The following WWOX variants were observed in gnomAD, a reference collection of about 807,000 sequenced individuals.
WWOX encodes WW domain-containing oxidoreductase.
A neutral mutation model predicts 46.2 loss-of-function variants in WWOX; 69 were observed. The ratio of observed to expected loss-of-function variants is 1.49; its 90% CI spans 1.23 to 1.82. The LOEUF (loss-of-function observed/expected upper bound fraction) is 1.82, where lower values mean the gene tolerates loss of function less well. Ranked by LOEUF, WWOX falls within the 40% of genes most tolerant of loss-of-function variation. The probability of loss-of-function intolerance (pLI) is 0.00; values close to 1 mark genes in which losing one functional copy is unlikely to be tolerated. For synonymous variants in WWOX, 359 were observed against 202.6 expected, an observed-to-expected ratio of 1.77 and a Z score of -6.56; for missense variants, 919 against 542.6, an observed-to-expected ratio of 1.69 and a Z score of -6.89.
chr16:78,523,879 G>GA (rs1383277425), intron 8 of WWOX, among the ~76,000 whole-genome samples: 2 of 152,204 alleles, frequency 1.3e-5, no homozygotes, highest in Non-Finnish European at 2.9e-5. Context: ...GTTTTAGGAT[G>GA]AAGAAATTAC....
chr16:78,707,254 T>C (rs1425171125), intron 8 of WWOX, among the ~76,000 whole-genome samples: 3 of 152,174 alleles, frequency 2.0e-5, no homozygotes, highest in Admixed American at 6.5e-5. Flanking sequence ...TCCTCAGATA[T>C]ATTAAAAAGC....
In WWOX at chr16:78,955,781, G is replaced by A. The variant is rs1216011567; in HGVS notation, c.1057-255827G>A. ...TCCTGCCTCAGCCTCCCGAGTAGCT[G>A]GGACTACGGTTGTACATCACCACCT... On this transcript the variant is annotated intron_variant, in intron 8 of 8. Coordinates refer to ENST00000566780, the MANE Select transcript of WWOX (RefSeq NM_016373.4). 2.0e-5 allele frequency among the ~76,000 whole-genome samples: 3 copies of A among 151,692 alleles called. No individual in the cohort carries two copies. The South Asian group carries it at 6.3e-4, about 32-fold the overall frequency.
chr16:78,814,281 C>A (rs1206158824), intron 8 of WWOX, among the ~76,000 whole-genome samples: 2 of 152,140 alleles, frequency 1.3e-5, no homozygotes, highest in Non-Finnish European at 2.9e-5. Context: ...TTCCCCTTCC[C>A]CTCTTGTTCC....
intron 8 of WWOX, among the ~76,000 whole-genome samples, chr16:78,550,504 TTGTC>T (rs796436724): frequency 8.5e-5 from 13 of 152,366 alleles, no homozygotes; most frequent in African/African-American, 2.9e-4. Flanking sequence ...GAGCACTTGT[TTGTC>T]TGGGAGACAT....
intron 8 of WWOX, among the ~76,000 whole-genome samples, chr16:78,576,817 C>G (rs936597465): frequency 6.6e-6 from 1 of 152,204 alleles, no homozygotes; most frequent in East Asian, 1.9e-4. Context: ...GGCAACACAA[C>G]AAGACCCTGT....
chr16:78,928,063 C>G (rs902248864), intron 8 of WWOX, among the ~76,000 whole-genome samples: 19 of 152,062 alleles, frequency 1.2e-4, no homozygotes, highest in Middle Eastern at 3.2e-3. Context: ...ACTCTCAGAT[C>G]CTGGATACTG....
chr16:78,773,171 C>T lies in WWOX; in HGVS notation c.1056+340419C>T, dbSNP rs1170931121. 2.6e-5 allele frequency among the ~76,000 whole-genome samples: 4 copies of T among 152,108 alleles called. No individual in the cohort carries two copies. In the East Asian group the frequency reaches 7.7e-4, roughly 29 times the overall value. On this transcript the variant is annotated intron_variant, in intron 8 of 8. Coordinates refer to ENST00000566780, the MANE Select transcript of WWOX (RefSeq NM_016373.4). Reference sequence around the variant, plus strand: ...TGACGATTTTGTCGGTATCCTAAGCCGCTAGAACAGTGCCTAAACATTTGT... The same window carrying T: ...TGACGATTTTGTCGGTATCCTAAGCTGCTAGAACAGTGCCTAAACATTTGT...
intron 8 of WWOX, chr16:78,526,471 A>G (rs1218207435): frequency 6.6e-6 from 1 of 152,252 alleles, no homozygotes; most frequent in Non-Finnish European, 1.5e-5. Context: ...GTAATAGAGA[A>G]GATCCATTGC....
chr16:78,711,990 G>T (rs2048454067), intron 8 of WWOX, among the ~76,000 whole-genome samples: 1 of 152,154 alleles, frequency 6.6e-6, no homozygotes, highest in African/African-American at 2.4e-5. Flanking sequence ...CATAATCTGT[G>T]CTAGTTCGGC....
intron 5 of WWOX, among the ~76,000 whole-genome samples, chr16:78,224,940 G>A (rs2037002146): frequency 2.0e-5 from 3 of 152,012 alleles, no homozygotes; most frequent in African/African-American, 7.3e-5. Flanking sequence ...TTCTATCTTG[G>A]TGTCTTTACG....
chr16:78,194,996 A>C (rs928954430), intron 5 of WWOX, among the ~76,000 whole-genome samples: 23 of 152,196 alleles, frequency 1.5e-4, no homozygotes, highest in African/African-American at 5.1e-4. Context: ...GAGAAAATGA[A>C]GGCACACGTG....
chr16:78,959,295 A>C (rs1043129303), intron 8 of WWOX, among the ~76,000 whole-genome samples: 1 of 152,232 alleles, frequency 6.6e-6, no homozygotes, highest in Non-Finnish European at 1.5e-5. Context: ...TTCAAAAGGC[A>C]TGTATTTTTT....
intron 8 of WWOX, among the ~76,000 whole-genome samples, chr16:78,553,544 T>C (rs1047098255): frequency 1.3e-5 from 2 of 152,222 alleles, no homozygotes; most frequent in African/African-American, 4.8e-5. Context: ...GTGAGCTGTC[T>C]ACTATCTCTA....
intron 5 of WWOX, among the ~76,000 whole-genome samples, chr16:78,210,303 G>T (rs1030577148): frequency 1.3e-5 from 2 of 152,166 alleles, no homozygotes; most frequent in Non-Finnish European, 2.9e-5. Flanking sequence ...TAACAGGGAA[G>T]CATCGGCTTC....
At chr16:78,609,929 G>A (rs1033581433) in intron 8 of WWOX, among the ~76,000 whole-genome samples, 12 of 152,132 alleles carry the variant, frequency 7.9e-5, no homozygotes, top group African/African-American at 2.9e-4. Flanking sequence ...TGCGTGTGTA[G>A]GGGGTAGCAT....
chr16:78,988,322 C>A (rs1320698788), intron 8 of WWOX, among the ~76,000 whole-genome samples: 1 of 143,442 alleles, frequency 7.0e-6, no homozygotes, highest in Non-Finnish European at 1.5e-5. Context: ...CCAGCCCAGG[C>A]AACAAGAGCA....
At chr16:78,342,451 T>C (rs77264347) in intron 5 of WWOX, among the ~76,000 whole-genome samples, 13,418 of 120,030 alleles carry the variant, frequency 0.11, 4,153 homozygotes, top group African/African-American at 0.33. Flanking sequence ...AAGCAGCATT[T>C]TTTATGGGCA....
chr16:78,968,095 A>ATGGCACAGCGCATGGTCCGCG (rs1567446004), intron 8 of WWOX, among the ~76,000 whole-genome samples: 2,689 of 130,594 alleles, frequency 0.021, 110 homozygotes, highest in African/African-American at 0.076. Flanking sequence ...CATGGTCCGC[A>ATGGCACAGCGCATGGTCCGCG]TGGCACAGCG....
At chr16:78,960,390 C>A (rs1177299715) in intron 8 of WWOX, among the ~76,000 whole-genome samples, 1 of 152,184 alleles carries the variant, frequency 6.6e-6, no homozygotes, top group Non-Finnish European at 1.5e-5. Context: ...TACTACCTGT[C>A]CTTCAGCCAT....
Sources: allele counts gnomAD v4.1 joint callset (sites outside exome capture counted in the v4.1 genomes callset), GRCh38; gene constraint gnomAD v4.1.1; transcripts MANE v1.5; gene names NCBI Gene and HGNC (gene_info 2026-07-23, HGNC 2026-07-21).